Variants in NAXE observed in about 807,000 individuals in gnomAD.
NAXE encodes the protein NAD(P)H-hydrate epimerase.
A neutral mutation model predicts 31.2 loss-of-function variants in NAXE; 25 were observed. The ratio of observed to expected loss-of-function variants is 0.80; its 90% CI spans 0.58 to 1.12. The LOEUF (loss-of-function observed/expected upper bound fraction) is 1.12, where lower values mean the gene tolerates loss of function less well. Ranked by LOEUF, NAXE falls within the 50% of genes most tolerant of loss-of-function variation. The probability of loss-of-function intolerance (pLI) is 0.00; values close to 1 mark genes in which losing one functional copy is unlikely to be tolerated. For synonymous variants in NAXE, 144 were observed against 154.5 expected, an observed-to-expected ratio of 0.93 and a Z score of 0.50; for missense variants, 362 against 376.1, an observed-to-expected ratio of 0.96 and a Z score of 0.31.
rs1160535145 is a variant in NAXE at position 156,594,148 on chromosome 1, T to C, written c.*64T>C. 1.3e-6 allele frequency: 2 copies of C among 1,547,776 alleles called. No homozygotes were observed. Among genetic ancestry groups the C allele is most frequent in the Admixed American group, 1.7e-5 (1 of 58,260 alleles). On this transcript the variant is annotated 3_prime_UTR_variant, in exon 6 of 6. Coordinates refer to ENST00000368235, the MANE Select transcript of NAXE (RefSeq NM_144772.3). ...AGCCCCTCTCTTCCAGAACTGTGGA[T>C]TCCTGGGAGCTCCTCTGGCAATAAA... is the stretch of plus-strand genomic sequence containing the variant.
Position 156,592,319 on chromosome 1 carries a change from A to G in NAXE, c.292-46A>G, listed in dbSNP as rs1374198157. 2.5e-6 allele frequency: 4 copies of G among 1,605,560 alleles called. No homozygotes were observed. In the African/African-American group the frequency reaches 4.0e-5, roughly 16 times the overall value. ...AGAGACAGCTGGGCCAATATGGTCT[A>G]TTACCGCCTGAAACCCCGCCGAACC... On this transcript the variant is annotated intron_variant, in intron 2 of 5. Coordinates refer to ENST00000368235, the MANE Select transcript of NAXE (RefSeq NM_144772.3).
Position 156,593,414 on chromosome 1 carries a change from A to G in NAXE, c.523A>G (p.Thr175Ala). 1.2e-6 allele frequency: 2 copies of G among 1,613,672 alleles called. 1 individual carries two copies. Among genetic ancestry groups the G allele is most frequent in the Non-Finnish European group, 1.7e-6 (2 of 1,179,784 alleles). ...TTTTCCTGCTCCACCACAGCCCATG[A>G]CGATTGATGAACTGTATGAGCTGGT... ...FLGEMPAEPM[T>A]IDELYELVVD... Residue 175 changes from threonine (T) to alanine (A), a missense_variant, in exon 5 of 6, where the codon ACG (threonine) becomes GCG (alanine). Physicochemically the swap from Thr to Ala is moderately conservative, Grantham distance 58. Coordinates refer to ENST00000368235, the MANE Select transcript of NAXE (RefSeq NM_144772.3).
In NAXE at chr1:156,592,629, C is replaced by CCTTG. The variant is rs1677364078; in HGVS notation, c.475_476insCTTG (p.Gln159ProfsTer2). On this transcript the variant is annotated stop_gained and frameshift_variant, in exon 4 of 6. Coordinates refer to ENST00000368235, the MANE Select transcript of NAXE (RefSeq NM_144772.3). LOFTEE classifies it high-confidence loss of function. ...CTTCACTGCATTGGTGACCCAGTGT[C>CCTTG]AGAAAATGGACATCCCTTTCCTTGG... 1.9e-6 allele frequency: 3 copies of CCTTG among 1,614,076 alleles called. No homozygotes were observed. In the Admixed American group the frequency reaches 5.0e-5, roughly 27 times the overall value.
chr1:156,593,585 A>G (rs1677402698), intron 5 of NAXE, 30 bp downstream of exon 5: 3 of 1,613,518 alleles, frequency 1.9e-6, no homozygotes, highest in East Asian at 2.2e-5. Context: ...GGGGTGGGGG[A>G]GATTGGGGCC....
At position 156,593,588 on chromosome 1, in the gene NAXE, T is replaced by C. The variant is rs369568954; in HGVS notation, c.664+33T>C. 1.2e-5 allele frequency: 20 copies of C among 1,613,328 alleles called. No individual in the cohort carries two copies. The Admixed American group carries it at 2.0e-4, about 16-fold the overall frequency. On this transcript the variant is annotated intron_variant, in intron 5 of 5. Coordinates refer to ENST00000368235, the MANE Select transcript of NAXE (RefSeq NM_144772.3). Reference sequence around the variant, plus strand: ...GATCCAGAAGGTGGGGTGGGGGAGATTGGGGCCCTACCCTCCTGACTCTTG... The same window carrying C: ...GATCCAGAAGGTGGGGTGGGGGAGACTGGGGCCCTACCCTCCTGACTCTTG...
chr1:156,593,962 A>G lies in NAXE; in HGVS notation c.745A>G (p.Thr249Ala). 1 of 1,614,054 alleles carries G rather than the reference A, an allele frequency of 6.2e-7. No individual in the cohort carries two copies. Residue 249 changes from threonine (T) to alanine (A), a missense_variant, in exon 6 of 6, where the codon ACC becomes GCC. Transcript: ENST00000368235. ...CCTCACAGCCCCCAAAAAATCTGCAACCCAGTTTACCGGTCGCTACCATTA... is the reference window on the plus strand; with the variant it reads ...CCTCACAGCCCCCAAAAAATCTGCAGCCCAGTTTACCGGTCGCTACCATTA... ...ISLTAPKKSA[T>A]QFTGRYHYLG...
At chr1:156,592,310 A>G in intron 2 of NAXE, 55 bp from the exon 3 acceptor site, 4 of 1,604,042 alleles carry the variant, frequency 2.5e-6, no homozygotes, top group Non-Finnish European at 2.6e-6. Context: ...AGCTGGGCCA[A>G]TATGGTCTAT....
chr1:156,593,921 C>T lies in NAXE; in HGVS notation c.704C>T (p.Pro235Leu), dbSNP rs774191247. The T allele has an allele frequency of 3.1e-6, 5 of 1,614,138 alleles. No individual in the cohort carries two copies. The highest frequency in any genetic ancestry group is 4.2e-6 in the Non-Finnish European group (5 of 1,180,024). ...AAGGGAAATGCTGGAGGGATCCAGC[C>T]AGACTTGCTCATATCCCTCACAGCC... ...VEKGNAGGIQ[P>L]DLLISLTAPK... is the part of the protein sequence containing the mutation. Residue 235 changes from proline to leucine, a missense_variant, in exon 6 of 6, where the codon CCA becomes CTA. Pro to Leu is a moderately conservative substitution (Grantham distance 98). Coordinates refer to ENST00000368235, the MANE Select transcript of NAXE (RefSeq NM_144772.3).
Position 156,593,568 on chromosome 1 carries a change from A to G in NAXE, c.664+13A>G. 3 of 1,614,126 alleles carry G rather than the reference A, an allele frequency of 1.9e-6. No homozygotes were observed. The highest frequency in any genetic ancestry group is 2.5e-6 in the Non-Finnish European group (3 of 1,180,004). ...GACATTCCCTCAGGTGCTGGGATCCAGAAGGTGGGGTGGGGGAGATTGGGG... is the reference window on the plus strand; with the variant it reads ...GACATTCCCTCAGGTGCTGGGATCCGGAAGGTGGGGTGGGGGAGATTGGGG... On this transcript the variant is annotated intron_variant, in intron 5 of 5. Transcript: ENST00000368235.
chr1:156,591,962 C>T lies in NAXE; in HGVS notation c.158C>T (p.Ala53Val), dbSNP rs530014488. The change falls in exon 1 of 6, where the codon GCG becomes GTG. Residue 53 changes from alanine (A) to valine (V), a missense_variant. Ala to Val is a moderately conservative substitution (Grantham distance 64). Coordinates refer to ENST00000368235, the MANE Select transcript of NAXE (RefSeq NM_144772.3). ...SGGRWDSEVM[A>V]STVVKYLSQE... is the part of the protein sequence containing the mutation. The stretch of plus-strand genomic sequence containing the variant: ...GGCCGCTGGGACTCAGAGGTCATGG[C>T]GAGCACGGTGGTGAAGTACCTGAGG... 40 of 1,613,124 alleles carry T rather than the reference C, an allele frequency of 2.5e-5. 1 individual carries two copies. In the Admixed American group the frequency reaches 3.2e-4, roughly 13 times the overall value.
rs1284824097 is a variant in NAXE at position 156,591,857 on chromosome 1, G to T, written c.53G>T (p.Arg18Leu). The T allele has an allele frequency of 1.2e-6, 2 of 1,610,960 alleles. No individual in the cohort carries two copies. Among genetic ancestry groups the T allele is most frequent in the Non-Finnish European group, 8.5e-7 (1 of 1,179,420 alleles). The part of the protein sequence containing the change: ...LGLGLLVAGS[R>L]VPRIKSQTIA... Reference sequence around the variant, plus strand: ...CTCGGGCTGCTGGTTGCGGGCTCGCGCGTGCCGCGGATCAAAAGCCAGACC... The same window carrying T: ...CTCGGGCTGCTGGTTGCGGGCTCGCTCGTGCCGCGGATCAAAAGCCAGACC... The change falls in exon 1 of 6, where the codon CGC (arginine) becomes CTC (leucine). Residue 18 changes from arginine (R) to leucine (L), a missense_variant. Physicochemically the swap from Arg to Leu is moderately radical, Grantham distance 102. Transcript: ENST00000368235.
Position 156,594,069 on chromosome 1 carries a change from C to CT in NAXE, c.853dup (p.Tyr285LeufsTer18). 6.2e-7 allele frequency: 1 copy of CT among 1,613,996 alleles called. No homozygotes were observed. The highest frequency in any genetic ancestry group is 8.5e-7 in the Non-Finnish European group (1 of 1,179,926). ...CACCCTACCCTGACACCGAGTGTGT[C>CT]TATCGTCTGCAGTGAGGGAAGGTGG... is the stretch of plus-strand genomic sequence containing the variant. On this transcript the variant is annotated frameshift_variant, in exon 6 of 6. Coordinates refer to ENST00000368235, the MANE Select transcript of NAXE (RefSeq NM_144772.3). LOFTEE classifies it high-confidence loss of function.
Position 156,592,585 on chromosome 1 carries a change from A to G in NAXE, c.431A>G (p.Lys144Arg). 1 of 1,614,166 alleles carries G rather than the reference A, an allele frequency of 6.2e-7. No homozygotes were observed. Among genetic ancestry groups the G allele is most frequent in the Non-Finnish European group, 8.5e-7 (1 of 1,180,018 alleles). Residue 144 changes from lysine (K) to arginine (R), a missense_variant, in exon 4 of 6, where the codon AAA (lysine) becomes AGA (arginine). By Grantham distance (26) the Lys-to-Arg change is conservative. Coordinates refer to ENST00000368235, the MANE Select transcript of NAXE (RefSeq NM_144772.3). ...TACGAGCCAACCATCTATTACCCCAAAAGGCCTAACAAGCCCCTCTTCACT... is the reference window on the plus strand; with the variant it reads ...TACGAGCCAACCATCTATTACCCCAGAAGGCCTAACAAGCCCCTCTTCACT... The part of the protein sequence containing the change: ...FGYEPTIYYP[K>R]RPNKPLFTAL...
Position 156,594,065 on chromosome 1 carries a change from G to T in NAXE, c.848G>T (p.Cys283Phe), listed in dbSNP as rs779609725. ...CTGCCACCCTACCCTGACACCGAGT[G>T]TGTCTATCGTCTGCAGTGAGGGAAG... ...LNLPPYPDTE[C>F]VYRLQ Residue 283 changes from cysteine (C) to phenylalanine (F), a missense_variant, in exon 6 of 6, where the codon TGT becomes TTT. Cys to Phe is a radical substitution (Grantham distance 205). Coordinates refer to ENST00000368235, the MANE Select transcript of NAXE (RefSeq NM_144772.3). 1.1e-5 allele frequency: 17 copies of T among 1,613,924 alleles called. No individual in the cohort carries two copies. Among genetic ancestry groups the T allele is most frequent in the Non-Finnish European group, 1.4e-5 (17 of 1,179,948 alleles).
At position 156,593,742 on chromosome 1, in the gene NAXE, AAGGGT is replaced by A. The variant is rs2102491561; in HGVS notation, c.665-138_665-134del. ...TGGCCCCATGAAGAGACCACGGCCC[AAGGGT>A]ACGTGGAGCTCGTTGGACGAGAGTT... is the stretch of plus-strand genomic sequence containing the variant. On this transcript the variant is annotated intron_variant, in intron 5 of 5. Transcript: ENST00000368235. 1.3e-5 allele frequency: 17 copies of A among 1,300,968 alleles called. No homozygotes were observed. In the South Asian group the frequency reaches 2.3e-4, roughly 18 times the overall value. 80.6% of individuals were successfully genotyped at this position (1,300,968 alleles called of 1,614,324 possible). A position where few individuals can be genotyped will look rare whatever the true frequency, so the allele number is the denominator to read the frequency against.
At position 156,594,142 on chromosome 1, in the gene NAXE, T is replaced by G; in HGVS notation, c.*58T>G. ...ACTTAGAGCCCCTCTCTTCCAGAACTGTGGATTCCTGGGAGCTCCTCTGGC... is the reference window on the plus strand; with the variant it reads ...ACTTAGAGCCCCTCTCTTCCAGAACGGTGGATTCCTGGGAGCTCCTCTGGC... On this transcript the variant is annotated 3_prime_UTR_variant, in exon 6 of 6. Transcript: ENST00000368235. The G allele has an allele frequency of 6.4e-7, 1 of 1,565,682 alleles. No homozygotes were observed. The highest frequency in any genetic ancestry group is 2.2e-4 in the Middle Eastern group (1 of 4,560).
rs755029176 is a variant in NAXE at position 156,593,900 on chromosome 1, G to A, written c.683G>A (p.Gly228Glu). ...DIPSGWDVEK[G>E]NAGGIQPDLL... ...TTTTCAGGATGGGACGTGGAGAAGGGAAATGCTGGAGGGATCCAGCCAGAC... is the reference window on the plus strand; with the variant it reads ...TTTTCAGGATGGGACGTGGAGAAGGAAAATGCTGGAGGGATCCAGCCAGAC... The change falls in exon 6 of 6, where the codon GGA (glycine) becomes GAA (glutamate). Residue 228 changes from glycine to glutamate, a missense_variant. Physicochemically the swap from Gly to Glu is moderately conservative, Grantham distance 98. Transcript: ENST00000368235. 4 of 1,614,142 alleles carry A rather than the reference G, an allele frequency of 2.5e-6. No homozygotes were observed. Among genetic ancestry groups the A allele is most frequent in the Non-Finnish European group, 1.7e-6 (2 of 1,180,012 alleles).
At position 156,592,440 on chromosome 1, in the gene NAXE, G is replaced by T; in HGVS notation, c.367G>T (p.Asp123Tyr). The change falls in exon 3 of 6, where the codon GAT becomes TAT. Residue 123 changes from aspartate (D) to tyrosine (Y), a missense_variant. Transcript: ENST00000368235. ...VICGPGNNGG[D>Y]GLVCARHLKL... is the part of the protein sequence containing the mutation. ...CTGTGGCCCGGGGAATAATGGAGGA[G>T]ATGGTCTGGTCTGTGCTCGACACCT... is the stretch of plus-strand genomic sequence containing the variant. The T allele has an allele frequency of 6.2e-7, 1 of 1,614,194 alleles. No individual in the cohort carries two copies. Among genetic ancestry groups the T allele is most frequent in the Non-Finnish European group, 8.5e-7 (1 of 1,180,022 alleles).
Position 156,593,574 on chromosome 1 carries a change from T to C in NAXE, c.664+19T>C, listed in dbSNP as rs1677402132. 1 of 1,613,852 alleles carries C rather than the reference T, an allele frequency of 6.2e-7. No individual in the cohort carries two copies. The highest frequency in any genetic ancestry group is 1.3e-5 in the African/African-American group (1 of 74,886). ...CCCTCAGGTGCTGGGATCCAGAAGG[T>C]GGGGTGGGGGAGATTGGGGCCCTAC... On this transcript the variant is annotated intron_variant, in intron 5 of 5. Coordinates refer to ENST00000368235, the MANE Select transcript of NAXE (RefSeq NM_144772.3).
Sources: allele counts gnomAD v4.1 joint callset, GRCh38; gene constraint gnomAD v4.1.1; transcripts MANE v1.5; gene names NCBI Gene and HGNC (gene_info 2026-07-23, HGNC 2026-07-21).